The following PCLO variants were observed in gnomAD, a reference collection of about 807,000 sequenced individuals.
PCLO encodes protein piccolo.
PCLO carries 82 observed loss-of-function variants against 427.5 expected under a neutral mutation model. The ratio of observed to expected loss-of-function variants is 0.19; its 90% CI spans 0.16 to 0.23. The LOEUF is 0.23. Ranked by LOEUF, PCLO falls within the 10% of genes least tolerant of loss-of-function variation. The pLI is 1.00. For missense variants in PCLO, 6,239 were observed against 6,115.9 expected, an observed-to-expected ratio of 1.02 and a Z score of -0.67; for synonymous variants, 2,357 against 2,155.4, an observed-to-expected ratio of 1.09 and a Z score of -2.59.
chr7:82,833,493 T>C (rs1792148802), intron 16 of PCLO, among the ~76,000 whole-genome samples: 1 of 152,072 alleles, frequency 6.6e-6, no homozygotes, highest in Admixed American at 6.6e-5. Flanking sequence ...TTTGAGTATA[T>C]TGATCAGAGG....
chr7:83,111,965 C>T (rs1791014081), intron 3 of PCLO, among the ~76,000 whole-genome samples: 1 of 152,128 alleles, frequency 6.6e-6, no homozygotes, highest in African/African-American at 2.4e-5. Context: ...TAAATGACAT[C>T]TATCTGTCAA....
chr7:83,151,961 T>C (rs968932818), intron 2 of PCLO, among the ~76,000 whole-genome samples: 1 of 151,832 alleles, frequency 6.6e-6, no homozygotes. Context: ...TATACAAACT[T>C]ACTTTTTTTT....
chr7:83,075,249 A>G (rs6950504), intron 3 of PCLO, among the ~76,000 whole-genome samples: 73,299 of 151,930 alleles, frequency 0.48, 17,811 homozygotes, highest in Admixed American at 0.5. Flanking sequence ...TAGAAGACAG[A>G]GTTTCTAAGG....
intron 13 of PCLO, among the ~76,000 whole-genome samples, chr7:82,842,413 T>C (rs1341511697): frequency 2.6e-5 from 4 of 152,176 alleles, no homozygotes; most frequent in African/African-American, 9.6e-5. Context: ...AAGATTTAAA[T>C]ATAAGACCTG....
chr7:83,098,984 G>C (rs1223674308), intron 3 of PCLO, among the ~76,000 whole-genome samples: 1 of 151,986 alleles, frequency 6.6e-6, no homozygotes, highest in Non-Finnish European at 1.5e-5. Context: ...TGTGAACAAG[G>C]AGTGGAAAAA....
intron 3 of PCLO, among the ~76,000 whole-genome samples, chr7:83,067,124 C>T (rs1006239023): frequency 6.6e-6 from 1 of 151,992 alleles, no homozygotes; most frequent in African/African-American, 2.4e-5. Context: ...GGGTCCCATC[C>T]CCAAGATATC....
chr7:82,783,442 G>A (rs1458790611), intron 22 of PCLO, among the ~76,000 whole-genome samples: 3 of 152,150 alleles, frequency 2.0e-5, no homozygotes, highest in East Asian at 1.9e-4. Context: ...GTGAAGCCCC[G>A]TCTCCACTAA....
chr7:82,900,168 T>C (rs952650459), intron 9 of PCLO, among the ~76,000 whole-genome samples: 2 of 151,646 alleles, frequency 1.3e-5, no homozygotes, highest in Non-Finnish European at 3.0e-5. Context: ...TTACCTACTC[T>C]TAAAAGGAAA....
chr7:82,828,589 G>T (rs1470923065), intron 16 of PCLO, among the ~76,000 whole-genome samples: 1 of 151,992 alleles, frequency 6.6e-6, no homozygotes, highest in East Asian at 1.9e-4. Flanking sequence ...TCAATTATTA[G>T]AACTTGGGAC....
intron 3 of PCLO, among the ~76,000 whole-genome samples, chr7:83,122,286 CTTT>C (rs71074624): frequency 0.19 from 24,594 of 128,288 alleles, 1,655 homozygotes; most frequent in African/African-American, 0.3. Context: ...CTTTTCTTTT[CTTT>C]TTTTTTTTTT....
intron 3 of PCLO, among the ~76,000 whole-genome samples, chr7:83,006,532 G>A (rs1317769157): frequency 1.3e-5 from 2 of 151,310 alleles, no homozygotes; most frequent in African/African-American, 4.8e-5. Context: ...ATGCTGCACA[G>A]CAAAACAATA....
intron 20 of PCLO, among the ~76,000 whole-genome samples, chr7:82,811,861 G>A (rs555781938): frequency 2.6e-5 from 4 of 151,130 alleles, no homozygotes; most frequent in Non-Finnish European, 5.9e-5. Context: ...GTTGAAGGAA[G>A]GATGTCATTG....
chr7:82,951,109 T>C lies in PCLO; in HGVS notation c.9479A>G (p.Asp3160Gly). 2 of 1,613,846 alleles carry C rather than the reference T, an allele frequency of 1.2e-6. No individual in the cohort carries two copies. The highest frequency in any genetic ancestry group is 1.7e-6 in the Non-Finnish European group (2 of 1,179,816). ...SETDIAVTGI[D>G]ISASLQTITM... is the part of the protein sequence containing the mutation. ...AATAGTTTGCAAACTGGCACTGATA[T>C]CAATACCAGTTACTGCAATGTCCGT... Residue 3160 changes from aspartate (D) to glycine (G), a missense_variant, in exon 6 of 25, where the codon GAT becomes GGT. This residue lies in a region of PCLO where 4,677 missense variants were observed against 4,468.4 expected (regional missense o/e 1.05). Coordinates refer to ENST00000333891, the MANE Select transcript of PCLO (RefSeq NM_033026.6).
At chr7:83,069,222 C>CA (rs1789744729) in intron 3 of PCLO, among the ~76,000 whole-genome samples, 5 of 151,824 alleles carry the variant, frequency 3.3e-5, no homozygotes, top group Admixed American at 2.6e-4. Flanking sequence ...CACTCCCATA[C>CA]AAAAAAAATC....
chr7:82,786,158 A>G (rs1021735544), intron 22 of PCLO, among the ~76,000 whole-genome samples: 1 of 152,184 alleles, frequency 6.6e-6, no homozygotes, highest in Non-Finnish European at 1.5e-5. Context: ...AAGGAAAGAG[A>G]TTTAAGAAAT....
intron 3 of PCLO, among the ~76,000 whole-genome samples, chr7:83,083,043 T>G (rs989802536): frequency 6.8e-6 from 1 of 147,514 alleles, no homozygotes; most frequent in African/African-American, 2.6e-5. Flanking sequence ...TAATGAACAC[T>G]GATACAATCA....
At chr7:83,068,764 C>T (rs1334119951) in intron 3 of PCLO, among the ~76,000 whole-genome samples, 1 of 152,050 alleles carries the variant, frequency 6.6e-6, no homozygotes, top group East Asian at 1.9e-4. Flanking sequence ...ACAGCAATTC[C>T]ACTTCTGGGT....
intron 10 of PCLO, among the ~76,000 whole-genome samples, chr7:82,857,822 C>A (rs1792847970): frequency 6.6e-6 from 1 of 151,856 alleles, no homozygotes; most frequent in Non-Finnish European, 1.5e-5. Context: ...TTTCTTTTGA[C>A]AAAGGAGGAG....
At chr7:83,025,902 G>T (rs1788481719) in intron 3 of PCLO, among the ~76,000 whole-genome samples, 1 of 151,920 alleles carries the variant, frequency 6.6e-6, no homozygotes, top group South Asian at 2.1e-4. Context: ...ACAAGCAAAT[G>T]CTGAGAGATT....
Sources: allele counts gnomAD v4.1 joint callset (sites outside exome capture counted in the v4.1 genomes callset), GRCh38; gene constraint gnomAD v4.1.1; regional missense constraint gnomAD v4.1.1; transcripts MANE v1.5; gene names NCBI Gene and HGNC (gene_info 2026-07-23, HGNC 2026-07-21).